OR2F1: variants seen among roughly 807,000 people sequenced by gnomAD.
The protein encoded by OR2F1 is olfactory receptor 2F1.
For synonymous variants in OR2F1, 146 were observed against 155.3 expected, an observed-to-expected ratio of 0.94 and a Z score of 0.44; for missense variants, 389 against 378.2, an observed-to-expected ratio of 1.03 and a Z score of -0.24.
In OR2F1 at chr7:143,961,464, G is replaced by C. The variant is rs985657773; in HGVS notation, c.*540G>C. 1 of 154,328 alleles carries C rather than the reference G, an allele frequency of 6.5e-6. No homozygotes were observed. Among genetic ancestry groups the C allele is most frequent in the Non-Finnish European group, 1.4e-5 (1 of 69,414 alleles). 9.6% of individuals were successfully genotyped at this position (154,328 alleles called of 1,614,324 possible). ...ATGTTTTTGTGCAGGACCTACAAAA[G>C]GTGAACATAATGTCTTCTCCTGAGT... On this transcript the variant is annotated 3_prime_UTR_variant, in exon 3 of 3. Coordinates refer to ENST00000641412, the MANE Select transcript of OR2F1 (RefSeq NM_012369.3).
intron 1 of OR2F1, among the ~76,000 whole-genome samples, chr7:143,955,404 G>A (rs962827275): frequency 6.6e-6 from 1 of 152,034 alleles, no homozygotes; most frequent in Non-Finnish European, 1.5e-5. Context: ...TAATGTTTAG[G>A]TACTTTATAT....
At position 143,960,568 on chromosome 7, in the gene OR2F1, A is replaced by G. The variant is rs144903475; in HGVS notation, c.598A>G (p.Met200Val). 126 of 1,614,214 alleles carry G rather than the reference A, an allele frequency of 7.8e-5. No individual in the cohort carries two copies. In the African/African-American group the frequency reaches 1.4e-3, roughly 18 times the overall value. The stretch of plus-strand genomic sequence containing the variant: ...CACCTCCTCCAATGAGGTCACCATC[A>G]TGGTGTCTAGCATTGTTCTTCTGAT... ...VDTSSNEVTI[M>V]VSSIVLLMTP... is the part of the protein sequence containing the mutation. The change falls in exon 3 of 3, where the codon ATG (methionine) becomes GTG (valine). Residue 200 changes from methionine to valine, a missense_variant. By Grantham distance (21) the Met-to-Val change is conservative. Coordinates refer to ENST00000641412, the MANE Select transcript of OR2F1 (RefSeq NM_012369.3).
Position 143,960,242 on chromosome 7 carries a change from C to G in OR2F1, c.272C>G (p.Ala91Gly). ...GCACATTTTCTTGCAGAACATAAAG[C>G]CATCCCATTCCAGAGCTGTGCAGCC... The part of the protein sequence containing the change: ...LLAHFLAEHK[A>G]IPFQSCAAQL... Residue 91 changes from alanine to glycine, a missense_variant, in exon 3 of 3, where the codon GCC (alanine) becomes GGC (glycine). Ala to Gly is a moderately conservative substitution (Grantham distance 60). Coordinates refer to ENST00000641412, the MANE Select transcript of OR2F1 (RefSeq NM_012369.3). 6.2e-7 allele frequency: 1 copy of G among 1,614,202 alleles called. No homozygotes were observed. The highest frequency in any genetic ancestry group is 1.1e-5 in the South Asian group (1 of 91,084).
Position 143,960,383 on chromosome 7 carries a change from G to A in OR2F1, c.413G>A (p.Gly138Glu), listed in dbSNP as rs1252682454. Residue 138 changes from glycine (G) to glutamate (E), a missense_variant, in exon 3 of 3, where the codon GGA becomes GAA. Coordinates refer to ENST00000641412, the MANE Select transcript of OR2F1 (RefSeq NM_012369.3). Reference protein sequence around the residue: ...DALRYSAIMHGGLCARLAITS... With the variant: ...DALRYSAIMHEGLCARLAITS... ...CTGCGATACTCGGCCATCATGCATG[G>A]AGGGCTGTGTGCTAGGTTGGCCATC... 3.7e-6 allele frequency: 6 copies of A among 1,614,166 alleles called. No individual in the cohort carries two copies. Among genetic ancestry groups the A allele is most frequent in the Admixed American group, 1.7e-5 (1 of 60,012 alleles).
intron 2 of OR2F1, among the ~76,000 whole-genome samples, chr7:143,959,711 T>C (rs1227462775): frequency 2.0e-5 from 3 of 152,244 alleles, no homozygotes; most frequent in Non-Finnish European, 4.4e-5. Context: ...AATGTTGCAA[T>C]GCATTATTTC....
chr7:143,957,496 C>T (rs746137164), intron 1 of OR2F1, among the ~76,000 whole-genome samples: 1 of 152,020 alleles, frequency 6.6e-6, no homozygotes, highest in Non-Finnish European at 1.5e-5. Flanking sequence ...GGAAATAAAT[C>T]CAGACAATGG....
At chr7:143,958,698 G>T (rs1467736704) in intron 1 of OR2F1, among the ~76,000 whole-genome samples, 2 of 150,246 alleles carry the variant, frequency 1.3e-5, no homozygotes, top group Non-Finnish European at 2.9e-5. Flanking sequence ...AGAAGGAATT[G>T]GTTCTATTTT....
At chr7:143,959,802 AT>A (rs2050310206) in intron 2 of OR2F1, 145 bp from the exon 3 acceptor site, 8 of 563,754 alleles carry the variant, frequency 1.4e-5, no homozygotes, top group Non-Finnish European at 2.5e-5. Flanking sequence ...AGTAAATATA[AT>A]GCATGTTGGG....
rs2050273438 is a variant in OR2F1 at position 143,954,880 on chromosome 7, A to G, written c.-403A>G. 6.6e-6 allele frequency: 1 copy of G among 152,120 alleles called. No homozygotes were observed. Among genetic ancestry groups the G allele is most frequent in the Non-Finnish European group, 1.5e-5 (1 of 68,004 alleles). 9.4% of individuals were successfully genotyped at this position (152,120 alleles called of 1,614,324 possible). On this transcript the variant is annotated 5_prime_UTR_variant, in exon 1 of 3. An upstream open reading frame in the 5' UTR loses its in-frame stop. Coordinates refer to ENST00000641412, the MANE Select transcript of OR2F1 (RefSeq NM_012369.3). ...TAGATTCCATGGAATCAATGAATTG[A>G]TTTGCTTTACTAAAGAGAGATCTTG...
At chr7:143,957,757 G>C (rs950159392) in intron 1 of OR2F1, among the ~76,000 whole-genome samples, 1 of 152,164 alleles carries the variant, frequency 6.6e-6, no homozygotes, top group African/African-American at 2.4e-5. Context: ...CACTTCTGTA[G>C]CTTTAGTCCT....
chr7:143,955,999 C>G (rs1431389850), intron 1 of OR2F1, among the ~76,000 whole-genome samples: 1 of 152,162 alleles, frequency 6.6e-6, no homozygotes, highest in East Asian at 1.9e-4. Context: ...GGTTTTGTAA[C>G]TTGGCTGCAT....
Position 143,960,359 on chromosome 7 carries a change from T to C in OR2F1, c.389T>C (p.Leu130Pro), listed in dbSNP as rs2050317039. 1 of 1,614,196 alleles carries C rather than the reference T, an allele frequency of 6.2e-7. No homozygotes were observed. Among genetic ancestry groups the C allele is most frequent in the South Asian group, 1.1e-5 (1 of 91,082 alleles). The change falls in exon 3 of 3, where the codon CTG becomes CCG. Residue 130 changes from leucine to proline, a missense_variant. By Grantham distance (98) the Leu-to-Pro change is moderately conservative. Transcript: ENST00000641412. ...CGCTATGTGGCTGTGTGTGATGCCC[T>C]GCGATACTCGGCCATCATGCATGGA... Reference protein sequence around the residue: ...YDRYVAVCDALRYSAIMHGGL... With the variant: ...YDRYVAVCDAPRYSAIMHGGL...
Position 143,960,292 on chromosome 7 carries a change from G to T in OR2F1, c.322G>T (p.Gly108Cys), listed in dbSNP as rs2050315977. ...AAQLFFSLAL[G>C]GIEFVLLAVM... ...CCAGTTATTTTTCTCCCTGGCCTTG[G>T]GTGGGATTGAGTTTGTTCTCCTGGC... The change falls in exon 3 of 3, where the codon GGT (glycine) becomes TGT (cysteine). Residue 108 changes from glycine (G) to cysteine (C), a missense_variant. Gly to Cys is a radical substitution (Grantham distance 159, BLOSUM62 -3). Transcript: ENST00000641412. 1 of 1,614,116 alleles carries T rather than the reference G, an allele frequency of 6.2e-7. No individual in the cohort carries two copies. Among genetic ancestry groups the T allele is most frequent in the African/African-American group, 1.3e-5 (1 of 75,012 alleles).
intron 2 of OR2F1, among the ~76,000 whole-genome samples, 180 bp from the exon 3 acceptor site, chr7:143,959,768 C>A (rs112777832): frequency 6.6e-6 from 1 of 152,114 alleles, no homozygotes; most frequent in African/African-American, 2.4e-5. Context: ...CTTGTAAAGG[C>A]CATAGTTTGT....
rs1586839714 is a variant in OR2F1, at chr7:143,962,447, T to C, written c.*1523T>C. The C allele has an allele frequency of 6.6e-6, 1 of 152,170 alleles. No homozygotes were observed. Among genetic ancestry groups the C allele is most frequent in the East Asian group, 1.9e-4 (1 of 5,200 alleles). 9.4% of individuals were successfully genotyped at this position (152,170 alleles called of 1,614,324 possible). A position where few individuals can be genotyped will look rare whatever the true frequency, so the allele number is the denominator to read the frequency against. The stretch of plus-strand genomic sequence containing the variant: ...CCATCATAACAAGGATAATCTCACA[T>C]AGTAGGGAGGACAGATGATGAAACA... On this transcript the variant is annotated 3_prime_UTR_variant, in exon 3 of 3. Transcript: ENST00000641412.
chr7:143,957,418 C>T (rs374899855), intron 1 of OR2F1, among the ~76,000 whole-genome samples: 1 of 152,042 alleles, frequency 6.6e-6, no homozygotes, highest in African/African-American at 2.4e-5. Flanking sequence ...TTATCAGTAA[C>T]CTTTAAGTTT....
At position 143,960,103 on chromosome 7, in the gene OR2F1, A is replaced by T. The variant is rs746698239; in HGVS notation, c.133A>T (p.Ile45Phe). Reference protein sequence around the residue: ...YVVTVLGNCLIVLLIRLDSRL... With the variant: ...YVVTVLGNCLFVLLIRLDSRL... ...GGTGACCGTGCTGGGGAACTGTCTC[A>T]TTGTCCTTCTGATCAGACTGGACAG... The change falls in exon 3 of 3, where the codon ATT becomes TTT. Residue 45 changes from isoleucine to phenylalanine, a missense_variant. Physicochemically the swap from Ile to Phe is conservative, Grantham distance 21. Transcript: ENST00000641412. 2.0e-5 allele frequency: 33 copies of T among 1,614,030 alleles called. No individual in the cohort carries two copies. In the South Asian group the frequency reaches 3.6e-4, roughly 18 times the overall value.
At chr7:143,956,060 A>G (rs974989742) in intron 1 of OR2F1, among the ~76,000 whole-genome samples, 1 of 152,170 alleles carries the variant, frequency 6.6e-6, no homozygotes, top group African/African-American at 2.4e-5. Flanking sequence ...AAATTGAAGA[A>G]ATATTCTCAC....
rs1186231897 is a variant in OR2F1 at position 143,962,621 on chromosome 7, T to G, written c.*1697T>G. The stretch of plus-strand genomic sequence containing the variant: ...CAAGAAACCCAAAAAAGAAACAACC[T>G]GTACAAAGTTGTAGAGATGTGAGCA... On this transcript the variant is annotated 3_prime_UTR_variant, in exon 3 of 3. Transcript: ENST00000641412. 1.3e-5 allele frequency: 2 copies of G among 152,102 alleles called. No homozygotes were observed. The highest frequency in any genetic ancestry group is 2.9e-5 in the Non-Finnish European group (2 of 68,018). The allele number at this position is 152,102 out of a possible 1,614,324, so 9.4% of individuals were successfully genotyped here.
Sources: allele counts gnomAD v4.1 joint callset (sites outside exome capture counted in the v4.1 genomes callset), GRCh38; gene constraint gnomAD v4.1.1; transcripts MANE v1.5; gene names NCBI Gene and HGNC (gene_info 2026-07-23, HGNC 2026-07-21).